VPS13B: variants seen among roughly 807,000 people sequenced by gnomAD.
VPS13B encodes the protein vacuolar protein sorting 13 homolog B.
VPS13B carries 285 observed loss-of-function variants against 426.4 expected under a neutral mutation model. The ratio of observed to expected loss-of-function variants is 0.67; its 90% CI spans 0.61 to 0.74. VPS13B has a LOEUF of 0.74. Ranked by LOEUF, VPS13B falls within the 30% of genes least tolerant of loss-of-function variation. The pLI is 0.00. For missense variants in VPS13B, 4,537 were observed against 4,782.6 expected, an observed-to-expected ratio of 0.95 and a Z score of 1.51; for synonymous variants, 1,676 against 1,676.4, an observed-to-expected ratio of 1.00 and a Z score of 0.01.
chr8:99,062,450 C>T (rs769362998), intron 3 of VPS13B, among the ~76,000 whole-genome samples: 8 of 151,922 alleles, frequency 5.3e-5, no homozygotes, highest in Non-Finnish European at 1.0e-4. Context: ...GAGCATGGGC[C>T]CTGAAAAATA....
At chr8:99,816,322 G>A (rs186179298) in intron 44 of VPS13B, among the ~76,000 whole-genome samples, 3 of 152,112 alleles carry the variant, frequency 2.0e-5, no homozygotes, top group African/African-American at 4.8e-5. Context: ...GGCTGGTCTC[G>A]AACTCCCGAC....
chr8:99,639,020 C>A (rs529022881), intron 33 of VPS13B, among the ~76,000 whole-genome samples: 1 of 152,250 alleles, frequency 6.6e-6, no homozygotes, highest in East Asian at 1.9e-4. Flanking sequence ...ATAACAGCTG[C>A]CCATTGTTGG....
At chr8:99,686,397 G>C (rs1335111019) in intron 35 of VPS13B, among the ~76,000 whole-genome samples, 1 of 150,722 alleles carries the variant, frequency 6.6e-6, no homozygotes, top group African/African-American at 2.5e-5. Flanking sequence ...CAAGGTCCTA[G>C]GGCTCTATAA....
chr8:99,720,571 A>G lies in VPS13B; in HGVS notation c.6865+19A>G. On this transcript the variant is annotated intron_variant, in intron 38 of 61. Transcript: ENST00000357162. ...GATGCTGGTAAGTAGCAACAGACTC[A>G]GTATGAGAGTGTCTCTGTGCATGTG... The G allele has an allele frequency of 1.2e-6, 2 of 1,607,932 alleles. No individual in the cohort carries two copies. Among genetic ancestry groups the G allele is most frequent in the Non-Finnish European group, 1.7e-6 (2 of 1,174,506 alleles).
intron 3 of VPS13B, among the ~76,000 whole-genome samples, chr8:99,042,707 G>A (rs1461110375): frequency 2.0e-5 from 3 of 151,910 alleles, no homozygotes; most frequent in Admixed American, 6.6e-5. Context: ...GGCTGGTCTC[G>A]AACTCCTGGC....
intron 31 of VPS13B, among the ~76,000 whole-genome samples, chr8:99,564,813 ATGTGTAGAACCT>A (rs1825106318): frequency 6.6e-6 from 1 of 152,218 alleles, no homozygotes; most frequent in African/African-American, 2.4e-5. Flanking sequence ...AAATAGAGCT[ATGTGTAGAACCT>A]TGGTTTCCTT....
intron 30 of VPS13B, among the ~76,000 whole-genome samples, chr8:99,552,025 C>T (rs1415912828): frequency 6.6e-6 from 1 of 151,940 alleles, no homozygotes; most frequent in Non-Finnish European, 1.5e-5. Context: ...GACTTTCTCT[C>T]TCTATTCTCC....
At chr8:99,547,611 T>C (rs953438816) in intron 30 of VPS13B, among the ~76,000 whole-genome samples, 3 of 152,070 alleles carry the variant, frequency 2.0e-5, no homozygotes, top group African/African-American at 7.2e-5. Flanking sequence ...TAAATCAATT[T>C]AAAAAGGAAA....
intron 19 of VPS13B, among the ~76,000 whole-genome samples, chr8:99,294,473 T>G (rs1397489031): frequency 6.7e-6 from 1 of 148,950 alleles, no homozygotes; most frequent in African/African-American, 2.5e-5. Flanking sequence ...CGCACCAGCA[T>G]GGCACATGTA....
intron 35 of VPS13B, among the ~76,000 whole-genome samples, chr8:99,675,686 T>C (rs923284872): frequency 6.6e-6 from 1 of 152,104 alleles, no homozygotes; most frequent in Non-Finnish European, 1.5e-5. Flanking sequence ...TGCCTTTGAG[T>C]TCATAGATTG....
intron 50 of VPS13B, among the ~76,000 whole-genome samples, chr8:99,822,883 C>T (rs183442015): frequency 1.4e-4 from 22 of 152,198 alleles, no homozygotes; most frequent in African/African-American, 5.3e-4. Context: ...TCTGGAAATC[C>T]ACTGTACGTT....
intron 17 of VPS13B, among the ~76,000 whole-genome samples, chr8:99,269,022 C>T (rs1293912972): frequency 6.6e-6 from 1 of 152,100 alleles, no homozygotes; most frequent in Non-Finnish European, 1.5e-5. Flanking sequence ...ACTTCTCTCT[C>T]CTGCCACCTT....
intron 17 of VPS13B, among the ~76,000 whole-genome samples, chr8:99,204,626 T>G (rs540188782): frequency 6.6e-6 from 1 of 152,264 alleles, no homozygotes; most frequent in South Asian, 2.1e-4. Flanking sequence ...AAAGGTCTAA[T>G]ATTCAGAATC....
Position 99,391,651 on chromosome 8 carries a change from CAT to C in VPS13B, c.3032_3033del (p.Tyr1011SerfsTer4). ...AGTGCCCCCTTGGCAAAGCAGCAAT[CAT>C]ATCAGGCCTCTGAATATGCCAGCAG... On this transcript the variant is annotated frameshift_variant, in exon 21 of 62. Transcript: ENST00000357162. LOFTEE classifies it high-confidence loss of function. The C allele has an allele frequency of 2.5e-6, 4 of 1,614,166 alleles. No individual in the cohort carries two copies. The highest frequency in any genetic ancestry group is 3.4e-6 in the Non-Finnish European group (4 of 1,180,020).
intron 30 of VPS13B, among the ~76,000 whole-genome samples, chr8:99,524,379 G>A (rs577087564): frequency 6.6e-6 from 1 of 152,260 alleles, no homozygotes; most frequent in South Asian, 2.1e-4. Context: ...CAAGTACAAG[G>A]TTGTAGAATA....
At chr8:99,222,957 C>T (rs1245237513) in intron 17 of VPS13B, among the ~76,000 whole-genome samples, 3 of 152,152 alleles carry the variant, frequency 2.0e-5, no homozygotes, top group African/African-American at 7.2e-5. Context: ...CTGCCTCAGC[C>T]TCCTGAGTAG....
intron 29 of VPS13B, among the ~76,000 whole-genome samples, chr8:99,515,364 T>C (rs1016893509): frequency 7.2e-6 from 1 of 138,326 alleles, no homozygotes; most frequent in East Asian, 1.9e-4. Context: ...TTTTTAAAGC[T>C]GCTGCTGCTG....
At chr8:99,399,646 G>A (rs1814927638) in intron 21 of VPS13B, among the ~76,000 whole-genome samples, 2 of 152,098 alleles carry the variant, frequency 1.3e-5, no homozygotes, top group African/African-American at 2.4e-5. Flanking sequence ...TCTATCAAAT[G>A]CATTACTTAG....
At chr8:99,020,980 A>G (rs949943978) in intron 2 of VPS13B, among the ~76,000 whole-genome samples, 1 of 152,250 alleles carries the variant, frequency 6.6e-6, no homozygotes, top group African/African-American at 2.4e-5. Flanking sequence ...TAAGACATAT[A>G]GGATCATTTA....
Sources: gnomAD v4.1 joint callset for allele counts (sites outside exome capture counted in the v4.1 genomes callset) on GRCh38, gnomAD v4.1.1 for gene constraint, MANE v1.5 for transcripts, NCBI Gene and HGNC (gene_info 2026-07-23, HGNC 2026-07-21) for gene names.